RAB38: variants seen among roughly 807,000 people sequenced by gnomAD.
RAB38 encodes RAB38, member RAS oncogene family.
RAB38 carries 15 observed loss-of-function variants against 18.4 expected under a neutral mutation model. The ratio of observed to expected loss-of-function variants is 0.82; its 90% confidence interval spans 0.55 to 1.26. RAB38 has a LOEUF of 1.26. RAB38 is among the 50% of genes most tolerant of loss of function. The probability of loss-of-function intolerance (pLI) is 0.00; values close to 1 mark genes in which losing one functional copy is unlikely to be tolerated. For synonymous variants in RAB38, 101 were observed against 104.4 expected, an observed-to-expected ratio of 0.97 and a Z score of 0.20; for missense variants, 294 against 267.4, an observed-to-expected ratio of 1.10 and a Z score of -0.69.
intron 1 of RAB38, among the ~76,000 whole-genome samples, chr11:88,174,637 A>AC (rs564724148): frequency 0.065 from 8,653 of 133,484 alleles, 366 homozygotes; most frequent in Admixed American, 0.12. Flanking sequence ...AAAAAAAAAA[A>AC]AAAACAAAAC....
the RAB38 span, among the ~76,000 whole-genome samples, chr11:88,020,328 C>A: frequency 6.6e-6 from 1 of 152,020 alleles, no homozygotes; most frequent in Non-Finnish European, 1.5e-5. Flanking sequence ...AAATAGATTT[C>A]CAGACAAAAA....
the RAB38 span, among the ~76,000 whole-genome samples, chr11:87,977,293 A>G: frequency 8.3e-4 from 88 of 105,404 alleles, 3 homozygotes; most frequent in Admixed American, 3.2e-3. Flanking sequence ...TAATTATATT[A>G]TACAAGTATA....
At chr11:87,931,502 T>G in the RAB38 span, among the ~76,000 whole-genome samples, 3 of 151,814 alleles carry the variant, frequency 2.0e-5, no homozygotes, top group South Asian at 6.2e-4. Flanking sequence ...TTACCAGGAG[T>G]AGGACTGAGA....
chr11:88,114,194 T>C (rs945497324), intron 2 of RAB38, 54 bp from the exon 3 acceptor site: 3 of 1,573,392 alleles, frequency 1.9e-6, no homozygotes, highest in Non-Finnish European at 1.7e-6. Flanking sequence ...GAAATAATGC[T>C]AGAGCAGAGA....
chr11:88,109,349 A>G (rs1942442949), downstream of RAB38, among the ~76,000 whole-genome samples: 1 of 152,198 alleles, frequency 6.6e-6, no homozygotes, highest in Non-Finnish European at 1.5e-5. Context: ...CCCCTTCCTT[A>G]CACCTTACAC....
At chr11:88,069,688 A>G in the RAB38 span, among the ~76,000 whole-genome samples, 4 of 152,148 alleles carry the variant, frequency 2.6e-5, no homozygotes, top group Non-Finnish European at 5.9e-5. Flanking sequence ...AAATACACCA[A>G]TCAGCACTCT....
chr11:88,049,931 T>C, the RAB38 span, among the ~76,000 whole-genome samples: 2 of 152,340 alleles, frequency 1.3e-5, no homozygotes, highest in Admixed American at 6.5e-5. Flanking sequence ...CACAGTTCTC[T>C]TTCTACAGTC....
the RAB38 span, among the ~76,000 whole-genome samples, chr11:88,064,021 C>T: frequency 3.3e-5 from 5 of 152,274 alleles, no homozygotes; most frequent in African/African-American, 7.2e-5. Flanking sequence ...TTATTCTGGG[C>T]GTGTTCGACC....
At chr11:88,121,594 G>C (rs754107114) in intron 2 of RAB38, among the ~76,000 whole-genome samples, 2 of 151,510 alleles carry the variant, frequency 1.3e-5, no homozygotes, top group Non-Finnish European at 2.9e-5. Flanking sequence ...ACGGAGCCTC[G>C]CTCTGTCGCC....
At chr11:87,952,233 T>C in the RAB38 span, among the ~76,000 whole-genome samples, 2 of 152,166 alleles carry the variant, frequency 1.3e-5, no homozygotes, top group African/African-American at 4.8e-5. Flanking sequence ...TCCACAGGCC[T>C]CTTTTGTATC....
chr11:88,171,442 T>C (rs537509506), intron 1 of RAB38, among the ~76,000 whole-genome samples: 37 of 152,292 alleles, frequency 2.4e-4, no homozygotes, highest in African/African-American at 8.2e-4. Flanking sequence ...GATGAGGCAA[T>C]TGAGGTTCAG....
At chr11:88,114,163 G>C in intron 2 of RAB38, 23 bp from the exon 3 acceptor site, 2 of 1,612,002 alleles carry the variant, frequency 1.2e-6, no homozygotes, top group Non-Finnish European at 1.7e-6. Context: ...AAATAAAACA[G>C]CTTTTCTTAT....
the RAB38 span, among the ~76,000 whole-genome samples, chr11:87,930,088 G>A: frequency 6.6e-6 from 1 of 152,052 alleles, no homozygotes; most frequent in East Asian, 1.9e-4. Context: ...CCAGTAATGG[G>A]ATGGCTGGGT....
the RAB38 span, among the ~76,000 whole-genome samples, chr11:88,029,088 G>T: frequency 2.0e-5 from 3 of 151,900 alleles, no homozygotes; most frequent in Admixed American, 2.0e-4. Context: ...CATTCTTAAA[G>T]AAAAGAATTT....
At chr11:88,018,499 A>T in the RAB38 span, among the ~76,000 whole-genome samples, 1 of 152,024 alleles carries the variant, frequency 6.6e-6, no homozygotes, top group Non-Finnish European at 1.5e-5. Context: ...AACACCTCAA[A>T]AGAGTTTTCT....
chr11:88,043,998 T>C, the RAB38 span, among the ~76,000 whole-genome samples: 2 of 152,168 alleles, frequency 1.3e-5, no homozygotes, highest in African/African-American at 2.4e-5. Context: ...TCACTATCCC[T>C]CAACCTCTTT....
At chr11:87,859,329 T>G in the RAB38 span, among the ~76,000 whole-genome samples, 62 of 152,088 alleles carry the variant, frequency 4.1e-4, no homozygotes, top group Middle Eastern at 0.01. Flanking sequence ...TTATAAATAA[T>G]GTTTCAAGAA....
the RAB38 span, among the ~76,000 whole-genome samples, chr11:87,812,566 C>G: frequency 6.6e-6 from 1 of 152,164 alleles, no homozygotes; most frequent in Non-Finnish European, 1.5e-5. Flanking sequence ...AAATGGGGCC[C>G]TGTGTGATGG....
chr11:87,957,168 CT>C, the RAB38 span, among the ~76,000 whole-genome samples: 3 of 151,990 alleles, frequency 2.0e-5, no homozygotes, highest in African/African-American at 7.2e-5. Flanking sequence ...CCCTTTGTCC[CT>C]TAGGTGGTCA....
Sources: gnomAD v4.1 joint callset for allele counts (sites outside exome capture counted in the v4.1 genomes callset) on GRCh38, gnomAD v4.1.1 for gene constraint, MANE v1.5 for transcripts, NCBI Gene and HGNC (gene_info 2026-07-23, HGNC 2026-07-21) for gene names.